EPHA4: variants seen among roughly 807,000 people sequenced by gnomAD.
EPHA4 encodes ephrin type-A receptor 4.
In EPHA4, 19 loss-of-function variants were observed where a neutral mutation model predicts 108.3. The ratio of observed to expected loss-of-function variants is 0.18; its 90% CI spans 0.12 to 0.26. EPHA4 has a LOEUF of 0.26. EPHA4 is among the 10% of genes least tolerant of loss of function. The pLI is 1.00. For missense variants in EPHA4, 917 were observed against 1,254.0 expected (o/e 0.73, Z 4.06); for synonymous variants, 449 against 455.5 (o/e 0.99, Z 0.18).
chr2:221,424,633 T>A lies in EPHA4; in HGVS notation c.*819+576A>T, dbSNP rs149910367. Among the ~76,000 whole-genome samples the A allele has an allele frequency of 2.6e-5, 4 of 152,306 alleles. No homozygotes were observed. In the East Asian group the frequency reaches 7.7e-4, roughly 29 times the overall value. On this transcript the variant is annotated intron_variant, in intron 17 of 17. Transcript: ENST00000281821. ...CAGTGCATTTTTCAGTAGTTCAACTTTCTGATCATGAGAAAGCCGAGGCGA... is the reference window on the plus strand; with the variant it reads ...CAGTGCATTTTTCAGTAGTTCAACTATCTGATCATGAGAAAGCCGAGGCGA...
chr2:221,517,987 GAAGT>G (rs1002095778), intron 3 of EPHA4, among the ~76,000 whole-genome samples: 5 of 152,210 alleles, frequency 3.3e-5, no homozygotes, highest in African/African-American at 1.2e-4. Context: ...AACAGCCATT[GAAGT>G]AAGTGAGTTA....
At chr2:221,534,547 G>A (rs187194007) in intron 3 of EPHA4, among the ~76,000 whole-genome samples, 12 of 152,186 alleles carry the variant, frequency 7.9e-5, no homozygotes, top group Non-Finnish European at 1.6e-4. Context: ...TACAGTGGCT[G>A]TGGTTGTGTG....
chr2:221,429,770 G>T (rs554153470), intron 15 of EPHA4, among the ~76,000 whole-genome samples, 188 bp downstream of exon 15: 1 of 152,010 alleles, frequency 6.6e-6, no homozygotes, highest in Non-Finnish European at 1.5e-5. Flanking sequence ...TGCCTGACAG[G>T]TATTAGTTAT....
At chr2:221,446,281 T>C in intron 8 of EPHA4, 100 bp from the exon 9 acceptor site, 2 of 592,810 alleles carry the variant, frequency 3.4e-6, no homozygotes, top group Non-Finnish European at 5.3e-6. Context: ...GTCAGGCAGG[T>C]ATGCTATGTA....
chr2:221,561,528 T>C (rs1220408863), intron 3 of EPHA4, among the ~76,000 whole-genome samples: 1 of 152,224 alleles, frequency 6.6e-6, no homozygotes, highest in Non-Finnish European at 1.5e-5. Flanking sequence ...CTGCTTCTGC[T>C]GTGAAATATC....
At chr2:221,457,631 A>T (rs1210177500) in intron 6 of EPHA4, among the ~76,000 whole-genome samples, 2 of 152,174 alleles carry the variant, frequency 1.3e-5, no homozygotes, top group African/African-American at 4.8e-5. Context: ...TTTCATAATC[A>T]TACTTAATTG....
In EPHA4 at chr2:221,566,969, G is replaced by GGAAGAGGAAGAAGAAGAAGAAGAAGAA. The variant is rs1694681667; in HGVS notation, c.159+1748_159+1749insTTCTTCTTCTTCTTCTTCTTCCTCTTC. The stretch of plus-strand genomic sequence containing the variant: ...GAGAAGGAGAAGGGGAAGAGGAAGA[G>GGAAGAGGAAGAAGAAGAAGAAGAAGAA]GAAGAAGAAGAAGAAGAAGAAGAAG... On this transcript the variant is annotated intron_variant, in intron 2 of 17. Coordinates refer to ENST00000281821, the MANE Select transcript of EPHA4 (RefSeq NM_004438.5). 8.7e-4 allele frequency among the ~76,000 whole-genome samples: 24 copies of GGAAGAGGAAGAAGAAGAAGAAGAAGAA among 27,648 alleles called. 7 individuals carry two copies. The highest frequency in any genetic ancestry group is 4.2e-3 in the Admixed American group (9 of 2,122). The allele number at this position is 27,648 out of a possible 152,430, so 18.1% of individuals were successfully genotyped here. A position where few individuals can be genotyped will look rare whatever the true frequency, so the allele number is the denominator to read the frequency against.
At chr2:221,498,401 T>C (rs1470416005) in intron 4 of EPHA4, among the ~76,000 whole-genome samples, 1 of 152,032 alleles carries the variant, frequency 6.6e-6, no homozygotes, top group Non-Finnish European at 1.5e-5. Context: ...TACAAGAAAA[T>C]TGTTGGTAGC....
chr2:221,470,682 G>T (rs1691455732), intron 5 of EPHA4, among the ~76,000 whole-genome samples: 1 of 151,878 alleles, frequency 6.6e-6, no homozygotes, highest in Non-Finnish European at 1.5e-5. Flanking sequence ...CCTGTTTCTT[G>T]CTTGCTATGT....
chr2:221,482,658 T>C lies in EPHA4; in HGVS notation c.1012A>G (p.Asn338Asp), dbSNP rs1425549452. ...AAGTTCACAGATGTCTCGTTGACAT[T>C]TGAAATCAAGTTCAGGGGAGCAGAT... ...PPSAPLNLIS[N>D]VNETSVNLEW... Residue 338 changes from asparagine (N) to aspartate (D), a missense_variant, in exon 5 of 18, where the codon AAT becomes GAT. Asn to Asp is a conservative substitution (Grantham distance 23). This residue lies in a region of EPHA4 where 758 missense variants were observed against 1,076.7 expected (regional missense o/e 0.70). Transcript: ENST00000281821. 6.2e-7 allele frequency: 1 copy of C among 1,601,342 alleles called. No homozygotes were observed. The highest frequency in any genetic ancestry group is 8.6e-7 in the Non-Finnish European group (1 of 1,169,316).
rs1438550402 is a variant in EPHA4, at chr2:221,571,869, T to C, written c.91+289A>G. Reference sequence around the variant, plus strand: ...CCGGCGTTGTCTCCCGTGCATCCCCTCAGGGCGCCTCGAGCGGGCCTCTCT... The same window carrying C: ...CCGGCGTTGTCTCCCGTGCATCCCCCCAGGGCGCCTCGAGCGGGCCTCTCT... On this transcript the variant is annotated intron_variant, in intron 1 of 17. Transcript: ENST00000281821. This position sits in a 1 kb window ranked among gnomAD's most constrained non-coding sequence, Gnocchi z 6.3. Among the ~76,000 whole-genome samples the C allele has an allele frequency of 6.6e-6, 1 of 152,138 alleles. No homozygotes were observed. The highest frequency in any genetic ancestry group is 1.5e-5 in the Non-Finnish European group (1 of 68,012).
chr2:221,449,078 G>A (rs1405098801), intron 8 of EPHA4, among the ~76,000 whole-genome samples: 2 of 151,984 alleles, frequency 1.3e-5, no homozygotes, highest in East Asian at 1.9e-4. Context: ...ATTTTTTTAC[G>A]TGGAGTGTTA....
rs569822668 is a variant in EPHA4 at position 221,481,410 on chromosome 2, G to A, written c.1318+942C>T. Among the ~76,000 whole-genome samples the A allele has an allele frequency of 1.3e-4, 17 of 132,124 alleles. No individual in the cohort carries two copies. In the South Asian group the frequency reaches 3.4e-3, roughly 26 times the overall value. The allele number at this position is 132,124 out of a possible 152,430, so 86.7% of individuals were successfully genotyped here. On this transcript the variant is annotated intron_variant, in intron 5 of 17. Transcript: ENST00000281821. ...ATCACGCCTGTAATCCCAGCCCTTT[G>A]GGAGGCCAAGGTGGGCGGATCACGA...
At chr2:221,484,505 G>A (rs897897974) in intron 4 of EPHA4, among the ~76,000 whole-genome samples, 3 of 152,128 alleles carry the variant, frequency 2.0e-5, no homozygotes, top group African/African-American at 7.2e-5. Context: ...TGTAAAATTT[G>A]TATTAAAGGG....
At chr2:221,470,825 G>A (rs557894425) in intron 5 of EPHA4, among the ~76,000 whole-genome samples, 1 of 151,942 alleles carries the variant, frequency 6.6e-6, no homozygotes, top group African/African-American at 2.4e-5. Flanking sequence ...CTGAAAATGT[G>A]GCCATGCAAT....
intron 3 of EPHA4, among the ~76,000 whole-genome samples, chr2:221,549,799 C>T (rs1053174712): frequency 1.3e-5 from 2 of 152,154 alleles, no homozygotes; most frequent in Non-Finnish European, 2.9e-5. Context: ...CTAGCCTGGT[C>T]AACATGGTGA....
intron 13 of EPHA4, among the ~76,000 whole-genome samples, chr2:221,435,861 A>G (rs1690215248): frequency 1.3e-5 from 2 of 151,872 alleles, no homozygotes; most frequent in African/African-American, 4.8e-5. Context: ...AACTAGAAAC[A>G]TTGCTTTGTC....
intron 8 of EPHA4, 102 bp from the exon 9 acceptor site, chr2:221,446,283 T>C: frequency 1.8e-6 from 1 of 559,532 alleles, no homozygotes; most frequent in Non-Finnish European, 2.8e-6. Context: ...CAGGCAGGTA[T>C]GCTATGTACA....
At chr2:221,450,979 C>T (rs942868961) in intron 8 of EPHA4, among the ~76,000 whole-genome samples, 3 of 152,022 alleles carry the variant, frequency 2.0e-5, no homozygotes, top group African/African-American at 7.2e-5. Flanking sequence ...TCTGGGAGGC[C>T]GAGGTGGGCA....
Sources: gnomAD v4.1 joint callset for allele counts (sites outside exome capture counted in the v4.1 genomes callset) on GRCh38, gnomAD v4.1.1 for gene constraint, gnomAD v4.1.1 regional missense constraint, Gnocchi (gnomAD v3.1) non-coding constraint, MANE v1.5 for transcripts, NCBI Gene and HGNC (gene_info 2026-07-23, HGNC 2026-07-21) for gene names.